Variants in TMEM218 observed in about 807,000 individuals in gnomAD.
TMEM218 encodes the protein transmembrane protein 218.
A neutral mutation model predicts 10.0 loss-of-function variants in TMEM218; 8 were observed. The ratio of observed to expected loss-of-function variants is 0.80; its 90% CI spans 0.47 to 1.44. The LOEUF (loss-of-function observed/expected upper bound fraction) is 1.44, where lower values mean the gene tolerates loss of function less well. Among genes scored for constraint, TMEM218 ranks in the 40% most tolerant of loss-of-function variants. TMEM218 has a pLI of 0.00. For synonymous variants in TMEM218, 66 were observed against 63.5 expected (o/e 1.04, Z -0.18); for missense variants, 110 against 140.1 (o/e 0.79, Z 1.08).
chr11:125,105,839 C>T (rs375571498), intron 1 of TMEM218, among the ~76,000 whole-genome samples: 7 of 151,566 alleles, frequency 4.6e-5, no homozygotes, highest in South Asian at 4.2e-4. Flanking sequence ...ACAAAGAATA[C>T]GCAAGGAAAA....
At chr11:125,107,327 G>A (rs541631900) in intron 1 of TMEM218, among the ~76,000 whole-genome samples, 3 of 152,214 alleles carry the variant, frequency 2.0e-5, no homozygotes, top group South Asian at 4.1e-4. Flanking sequence ...TTTTCTGTAT[G>A]TGTATTACCC....
chr11:125,097,712 T>G lies in TMEM218; in HGVS notation c.242A>C (p.Tyr81Ser), dbSNP rs1279775335. ...GGCACTAAGGAAAGCCAGCAGGACA[T>G]AGCGGCCAATGAAAAAGTCATCCAC... ...KIVDDFFIGR[Y>S]VLLAFLSAIF... Residue 81 changes from tyrosine to serine, a missense_variant, in exon 5 of 5, where the codon TAT becomes TCT. Transcript: ENST00000682305. 6.2e-7 allele frequency: 1 copy of G among 1,613,736 alleles called. No homozygotes were observed. Among genetic ancestry groups the G allele is most frequent in the East Asian group, 2.2e-5 (1 of 44,886 alleles).
intron 1 of TMEM218, among the ~76,000 whole-genome samples, chr11:125,107,383 A>G (rs2135922760): frequency 6.6e-6 from 1 of 152,314 alleles, no homozygotes; most frequent in South Asian, 2.1e-4. Flanking sequence ...TGTATCAGCC[A>G]TGTGTAGTAT....
chr11:125,110,781 G>A (rs2136001173), intron 1 of TMEM218: 1 of 140,864 alleles, frequency 7.1e-6, no homozygotes, highest in East Asian at 2.2e-4. Flanking sequence ...GTTACAAGGA[G>A]TGAAGTGCTC....
At chr11:125,109,640 T>C (rs1408777564) in intron 1 of TMEM218, among the ~76,000 whole-genome samples, 3 of 152,210 alleles carry the variant, frequency 2.0e-5, no homozygotes, top group Non-Finnish European at 2.9e-5. Context: ...GTTAGGAAAC[T>C]ATTGCAATTC....
chr11:125,102,660 G>C (rs1488891158), intron 2 of TMEM218, 74 bp downstream of exon 2: 1 of 1,293,728 alleles, frequency 7.7e-7, no homozygotes, highest in Non-Finnish European at 1.0e-6. Flanking sequence ...GAAGACACCA[G>C]GGCATGGGAA....
At chr11:125,103,232 G>A (rs1443155353) in intron 1 of TMEM218, 5 of 153,298 alleles carry the variant, frequency 3.3e-5, no homozygotes, top group Non-Finnish European at 7.3e-5. Context: ...GGTTCTCACA[G>A]GAGCACGAAC....
intron 4 of TMEM218, among the ~76,000 whole-genome samples, chr11:125,099,276 G>A (rs1950237285): frequency 6.6e-6 from 1 of 152,168 alleles, no homozygotes; most frequent in South Asian, 2.1e-4. Flanking sequence ...CTCCGGTACT[G>A]AACAAGTCTC....
Position 125,096,096 on chromosome 11 carries a change from G to A in TMEM218, c.*1510C>T, listed in dbSNP as rs1170866213. 6.6e-6 allele frequency among the ~76,000 whole-genome samples: 1 copy of A among 152,088 alleles called. No individual in the cohort carries two copies. Among genetic ancestry groups the A allele is most frequent in the Non-Finnish European group, 1.5e-5 (1 of 68,010 alleles). ...ACCTGTGTGCCCTAGGCCAGATTAG[G>A]AAACTATTTCCTTTGAAGTTTTCTG... On this transcript the variant is annotated 3_prime_UTR_variant, in exon 5 of 5. Coordinates refer to ENST00000682305, the MANE Select transcript of TMEM218 (RefSeq NM_001258244.2).
Position 125,097,468 on chromosome 11 carries a change from T to G in TMEM218, c.*138A>C, listed in dbSNP as rs1949795720. The G allele has an allele frequency of 5.4e-6, 5 of 933,474 alleles. No homozygotes were observed. The East Asian group carries it at 1.4e-4, about 26-fold the overall frequency. The allele number at this position is 933,474 out of a possible 1,614,324, so 57.8% of individuals were successfully genotyped here. On this transcript the variant is annotated 3_prime_UTR_variant, in exon 5 of 5. Transcript: ENST00000682305. ...TTCTGGAAGCCAGGACTCCAGAGATTTGTCTTAGTGATGGACAGATACTCC... is the reference window on the plus strand; with the variant it reads ...TTCTGGAAGCCAGGACTCCAGAGATGTGTCTTAGTGATGGACAGATACTCC...
At position 125,102,807 on chromosome 11, in the gene TMEM218, G is replaced by A. The variant is rs1343409246; in HGVS notation, c.-150C>T. The A allele has an allele frequency of 2.2e-6, 2 of 894,184 alleles. No homozygotes were observed. Among genetic ancestry groups the A allele is most frequent in the Non-Finnish European group, 3.1e-6 (2 of 650,852 alleles). 55.4% of individuals were successfully genotyped at this position (894,184 alleles called of 1,614,324 possible). ...TTATTCAAGAGGATGAAAACTCCCA[G>A]TCCTTAAAGAAGAGGAACAGCCATC... On this transcript the variant is annotated splice_region_variant and 5_prime_UTR_variant, in exon 2 of 5. Transcript: ENST00000682305.
In TMEM218 at chr11:125,096,010, A is replaced by C. The variant is rs1949598913; in HGVS notation, c.*1596T>G. Among the ~76,000 whole-genome samples, 1 of 152,264 alleles carries C rather than the reference A, an allele frequency of 6.6e-6. No homozygotes were observed. Among genetic ancestry groups the C allele is most frequent in the South Asian group, 2.1e-4 (1 of 4,830 alleles). ...GCCCCCAGCTTGTCTCAATTCCCTC[A>C]AGACTTATGCATTCTTTTTTCTCTC... On this transcript the variant is annotated 3_prime_UTR_variant, in exon 5 of 5. Coordinates refer to ENST00000682305, the MANE Select transcript of TMEM218 (RefSeq NM_001258244.2).
At chr11:125,110,639 C>T (rs1440821973) in intron 1 of TMEM218, 1 of 152,234 alleles carries the variant, frequency 6.6e-6, no homozygotes, top group East Asian at 1.9e-4. Context: ...TATAAGATGA[C>T]TTACTATCTA....
intron 3 of TMEM218, 135 bp downstream of exon 3, chr11:125,101,997 G>T: frequency 9.9e-7 from 1 of 1,013,094 alleles, no homozygotes; most frequent in East Asian, 3.0e-5. Context: ...TTTATAAAAA[G>T]AGGTTAAAAT....
chr11:125,101,062 TC>T lies in TMEM218; in HGVS notation c.213+138del, dbSNP rs1224150890. The T allele has an allele frequency of 6.2e-6, 4 of 640,796 alleles. No homozygotes were observed. The East Asian group carries it at 1.1e-4, about 18-fold the overall frequency. The allele number at this position is 640,796 out of a possible 1,614,324, so 39.7% of individuals were successfully genotyped here. A position where few individuals can be genotyped will look rare whatever the true frequency, so the allele number is the denominator to read the frequency against. On this transcript the variant is annotated intron_variant, in intron 4 of 4. Coordinates refer to ENST00000682305, the MANE Select transcript of TMEM218 (RefSeq NM_001258244.2). ...GGAACTTAAAACTCCCTCTGAACTT[TC>T]CCCGTCATTGGTTGAACTTTACAAT... is the stretch of plus-strand genomic sequence containing the variant.
chr11:125,100,748 G>A (rs920516597), intron 4 of TMEM218, among the ~76,000 whole-genome samples: 29 of 152,298 alleles, frequency 1.9e-4, no homozygotes, highest in African/African-American at 7.0e-4. Flanking sequence ...ACATGCAGTT[G>A]GAGAAGCATG....
chr11:125,105,902 T>G (rs930903372), intron 1 of TMEM218, among the ~76,000 whole-genome samples: 1 of 152,206 alleles, frequency 6.6e-6, no homozygotes, highest in Non-Finnish European at 1.5e-5. Context: ...ACAGTAATCA[T>G]AGTACATGGA....
intron 1 of TMEM218, chr11:125,103,270 T>A (rs1565429252): frequency 6.6e-6 from 1 of 152,462 alleles, no homozygotes; most frequent in East Asian, 1.9e-4. Context: ...GTGCGAAGCA[T>A]CTAGGTTGCA....
rs946488830 is a variant in TMEM218, at chr11:125,095,492, C to A, written c.*2114G>T. Among the ~76,000 whole-genome samples, 1 of 152,156 alleles carries A rather than the reference C, an allele frequency of 6.6e-6. No homozygotes were observed. The highest frequency in any genetic ancestry group is 1.5e-5 in the Non-Finnish European group (1 of 68,024). ...CCTTCTACGTCTTATCCCAACCCTG[C>A]GGGGCTTTTTTTGCATAACTGCATT... On this transcript the variant is annotated 3_prime_UTR_variant, in exon 5 of 5. Coordinates refer to ENST00000682305, the MANE Select transcript of TMEM218 (RefSeq NM_001258244.2).
Sources: gnomAD v4.1 joint callset for allele counts (sites outside exome capture counted in the v4.1 genomes callset) on GRCh38, gnomAD v4.1.1 for gene constraint, MANE v1.5 for transcripts, NCBI Gene and HGNC (gene_info 2026-07-23, HGNC 2026-07-21) for gene names.